The following CHD6 variants were observed in gnomAD, a reference collection of about 807,000 sequenced individuals.
CHD6 encodes the protein chromodomain helicase DNA binding protein 6.
CHD6 carries 50 observed loss-of-function variants against 276.9 expected under a neutral mutation model. The observed-to-expected ratio is 0.18, with a 90% CI of 0.14 to 0.23. The LOEUF is 0.23. Ranked by LOEUF, CHD6 falls within the 10% of genes least tolerant of loss-of-function variation. CHD6 has a pLI of 1.00. For missense variants in CHD6, 2,564 were observed against 3,365.8 expected (o/e 0.76, Z 5.89); for synonymous variants, 1,173 against 1,229.3 (o/e 0.95, Z 0.96).
chr20:41,490,425 T>C (rs1304297748), intron 11 of CHD6, among the ~76,000 whole-genome samples: 1 of 152,224 alleles, frequency 6.6e-6, no homozygotes, highest in Non-Finnish European at 1.5e-5. Context: ...GTGAATACCG[T>C]AGGCAATTGT....
At chr20:41,554,922 A>C (rs1217639981) in intron 1 of CHD6, among the ~76,000 whole-genome samples, 1 of 149,630 alleles carries the variant, frequency 6.7e-6, no homozygotes, top group African/African-American at 2.5e-5. Context: ...GGTGGTGGCC[A>C]GGCAGAGGGG....
intron 1 of CHD6, among the ~76,000 whole-genome samples, chr20:41,610,410 A>G (rs1302239258): frequency 1.3e-5 from 2 of 152,222 alleles, no homozygotes; most frequent in Non-Finnish European, 2.9e-5. Context: ...GATAAGACTC[A>G]GTCTTTCAAG....
chr20:41,490,985 A>G (rs2043538591), intron 11 of CHD6, among the ~76,000 whole-genome samples: 1 of 152,264 alleles, frequency 6.6e-6, no homozygotes, highest in South Asian at 2.1e-4. Flanking sequence ...GTATACCTAT[A>G]CAGGGGACTT....
At chr20:41,497,751 G>A (rs963532492) in intron 7 of CHD6, 5 of 517,648 alleles carry the variant, frequency 9.7e-6, no homozygotes, top group Non-Finnish European at 1.7e-5. Context: ...CAGAGGCAGG[G>A]CAGCTGTGGG....
chr20:41,585,825 T>G (rs946857274), intron 1 of CHD6, among the ~76,000 whole-genome samples: 1 of 152,062 alleles, frequency 6.6e-6, no homozygotes, highest in Non-Finnish European at 1.5e-5. Flanking sequence ...CTTAACAAAG[T>G]ACCAGCAAAT....
Position 41,402,181 on chromosome 20 carries a change from C to T in CHD6, c.*2412G>A, listed in dbSNP as rs936178889. ...AAGAATGGTCAAGGAAAGTTATGGC[C>T]GTGAGTGACATGGAATTAGATGAAA... On this transcript the variant is annotated 3_prime_UTR_variant, in exon 37 of 37. Transcript: ENST00000373233. The T allele has an allele frequency of 1.9e-5, 4 of 211,924 alleles. No individual in the cohort carries two copies. The highest frequency in any genetic ancestry group is 7.1e-5 in the East Asian group (1 of 14,034). The allele number at this position is 211,924 out of a possible 1,614,324, so 13.1% of individuals were successfully genotyped here.
intron 36 of CHD6, among the ~76,000 whole-genome samples, chr20:41,407,096 A>G (rs1281360085): frequency 1.3e-5 from 2 of 152,224 alleles, no homozygotes; most frequent in African/African-American, 4.8e-5. Flanking sequence ...TGCGCAGCCT[A>G]CGGAGCAGCA....
At chr20:41,435,488 C>G (rs762940100) in intron 27 of CHD6, among the ~76,000 whole-genome samples, 4 of 151,892 alleles carry the variant, frequency 2.6e-5, no homozygotes, top group Non-Finnish European at 5.9e-5. Context: ...CCTGTGGTCC[C>G]TACTACTTGG....
At chr20:41,617,866 C>G (rs2045949159) in intron 1 of CHD6, among the ~76,000 whole-genome samples, 1 of 150,910 alleles carries the variant, frequency 6.6e-6, no homozygotes, top group South Asian at 2.1e-4. Context: ...GCAACTTCTC[C>G]GCGGGGGCGG....
chr20:41,588,784 G>A (rs2045623755), intron 1 of CHD6, among the ~76,000 whole-genome samples: 2 of 152,152 alleles, frequency 1.3e-5, no homozygotes, highest in Non-Finnish European at 2.9e-5. Context: ...CTAATGCAAT[G>A]TCATCTAAGG....
At chr20:41,460,693 A>G (rs892327388) in intron 17 of CHD6, among the ~76,000 whole-genome samples, 7 of 152,248 alleles carry the variant, frequency 4.6e-5, no homozygotes, top group Non-Finnish European at 8.8e-5. Flanking sequence ...AAATGCCTGG[A>G]TGTCCAAGCA....
chr20:41,549,855 A>G (rs1032697728), intron 2 of CHD6, among the ~76,000 whole-genome samples: 13 of 152,116 alleles, frequency 8.5e-5, no homozygotes, highest in African/African-American at 2.9e-4. Flanking sequence ...CTGGAGTCCA[A>G]TGGTGCAATC....
chr20:41,426,026 T>A, intron 28 of CHD6, 67 bp downstream of exon 28: 1 of 1,162,000 alleles, frequency 8.6e-7, no homozygotes, highest in Admixed American at 1.7e-5. Flanking sequence ...TAATTACATA[T>A]AAACTCCACG....
At chr20:41,592,266 T>TA (rs1491277298) in intron 1 of CHD6, among the ~76,000 whole-genome samples, 2 of 152,130 alleles carry the variant, frequency 1.3e-5, no homozygotes, top group African/African-American at 2.4e-5. Context: ...TTCTTTTTTT[T>TA]AAAAAAAGGA....
At chr20:41,440,178 T>C in intron 25 of CHD6, 49 bp from the exon 26 acceptor site, 1 of 1,580,802 alleles carries the variant, frequency 6.3e-7, no homozygotes, top group Non-Finnish European at 8.7e-7. Context: ...GAACTCACAA[T>C]ATTTGCTTTG....
intron 2 of CHD6, among the ~76,000 whole-genome samples, chr20:41,535,749 C>T (rs1276496359): frequency 2.0e-5 from 3 of 152,082 alleles, no homozygotes; most frequent in East Asian, 1.9e-4. Context: ...ACCTGTAGTC[C>T]TAGCTACTTA....
At chr20:41,517,861 C>T (rs1444953666) in intron 3 of CHD6, among the ~76,000 whole-genome samples, 1 of 152,154 alleles carries the variant, frequency 6.6e-6, no homozygotes, top group African/African-American at 2.4e-5. Flanking sequence ...CAGGGTATTA[C>T]TTTTTCATAC....
At chr20:41,420,470 A>G in intron 31 of CHD6, 38 bp downstream of exon 31, 1 of 1,562,536 alleles carries the variant, frequency 6.4e-7, no homozygotes, top group Admixed American at 1.9e-5. Context: ...TGTGTGAACT[A>G]GTTTATCCAA....
chr20:41,608,154 A>G (rs561704652), intron 1 of CHD6, among the ~76,000 whole-genome samples: 1 of 152,366 alleles, frequency 6.6e-6, no homozygotes, highest in South Asian at 2.1e-4. Context: ...ATATAAGCAC[A>G]TGTGAAAAAC....
Sources: allele counts gnomAD v4.1 joint callset (sites outside exome capture counted in the v4.1 genomes callset), GRCh38; gene constraint gnomAD v4.1.1; transcripts MANE v1.5; gene names NCBI Gene and HGNC (gene_info 2026-07-23, HGNC 2026-07-21).